Variants in HK2 observed in about 807,000 individuals in gnomAD.
The protein encoded by HK2 is hexokinase-2.
In HK2, 42 loss-of-function variants were observed where a neutral mutation model predicts 92.9. The ratio of observed to expected loss-of-function variants is 0.45; its 90% CI spans 0.35 to 0.58. The LOEUF (loss-of-function observed/expected upper bound fraction) is 0.58. HK2 is among the 20% of genes least tolerant of loss of function. The pLI, the probability that HK2 is intolerant of heterozygous loss-of-function variation, is 0.00. For missense variants in HK2, 978 were observed against 1,245.1 expected (o/e 0.79, Z 3.23); for synonymous variants, 422 against 468.0 (o/e 0.90, Z 1.27).
chr2:74,853,518 AAACAACAACAACAACAAC>A (rs146960066), intron 1 of HK2, among the ~76,000 whole-genome samples: 50 of 143,480 alleles, frequency 3.5e-4, no homozygotes, highest in Middle Eastern at 3.4e-3. Context: ...CTCAGCCTCA[AAACAACAACAACAACAAC>A]AACAACAACA....
At chr2:74,885,738 C>A in intron 13 of HK2, 149 bp downstream of exon 13, 1 of 701,850 alleles carries the variant, frequency 1.4e-6, no homozygotes. Context: ...TTAGTGTGCA[C>A]TGTGTGTCAA....
rs1182688135 is a variant in HK2 at position 74,878,774 on chromosome 2, G to A, written c.1118G>A (p.Arg373Gln). ...CAGGAGGACTGCGTGGCCACTCACCGGATCTGCCAGATCGTGTCCACACGC... is the reference window on the plus strand; with the variant it reads ...CAGGAGGACTGCGTGGCCACTCACCAGATCTGCCAGATCGTGTCCACACGC... ...PTQEDCVATH[R>Q]ICQIVSTRSA... The change falls in exon 9 of 18, where the codon CGG becomes CAG. Residue 373 changes from arginine (R) to glutamine (Q), a missense_variant. Transcript: ENST00000290573. 1.6e-5 allele frequency: 25 copies of A among 1,582,166 alleles called. No individual in the cohort carries two copies. Among genetic ancestry groups the A allele is most frequent in the South Asian group, 3.5e-5 (3 of 86,518 alleles).
At chr2:74,873,992 G>T (rs201257606) in intron 6 of HK2, 49 bp downstream of exon 6, 4 of 1,412,700 alleles carry the variant, frequency 2.8e-6, no homozygotes, top group Middle Eastern at 1.8e-4. Context: ...AGGGATGGGG[G>T]TGTGGGCTGG....
intron 2 of HK2, among the ~76,000 whole-genome samples, chr2:74,863,127 T>G (rs559493444): frequency 4.6e-5 from 7 of 152,210 alleles, no homozygotes; most frequent in Non-Finnish European, 7.3e-5. Context: ...GGCACGTATT[T>G]TGAGCTTAAG....
At chr2:74,856,464 C>T (rs926769050) in intron 2 of HK2, among the ~76,000 whole-genome samples, 1 of 152,130 alleles carries the variant, frequency 6.6e-6, no homozygotes, top group Non-Finnish European at 1.5e-5. Context: ...TTACCTACCA[C>T]TCCCTCTGAC....
chr2:74,878,413 CTGTGTG>C (rs56015017), intron 8 of HK2, among the ~76,000 whole-genome samples: 23,517 of 149,794 alleles, frequency 0.16, 1,901 homozygotes, highest in Middle Eastern at 0.17. Flanking sequence ...CCGTGTGTCT[CTGTGTG>C]TGTGTGTGTG....
intron 3 of HK2, among the ~76,000 whole-genome samples, chr2:74,871,321 G>A (rs1391681019): frequency 3.9e-5 from 6 of 152,168 alleles, no homozygotes; most frequent in Non-Finnish European, 7.3e-5. Context: ...AAGGATAGTT[G>A]ACCTCTTATC....
At position 74,834,850 on chromosome 2, in the gene HK2, G is replaced by A. The variant is rs1440807859; in HGVS notation, c.63+207G>A. ...GAGTGCGCGCGGGCGGGGAGCCGAG[G>A]TCGCGCTCCGCCGGGCGCCCTCCCT... On this transcript the variant is annotated intron_variant, in intron 1 of 17. Coordinates refer to ENST00000290573, the MANE Select transcript of HK2 (RefSeq NM_000189.5). The surrounding 1 kb of genome is among the most constrained non-coding windows in gnomAD (Gnocchi z 4.2). 6.6e-6 allele frequency among the ~76,000 whole-genome samples: 1 copy of A among 150,916 alleles called. No individual in the cohort carries two copies. Among genetic ancestry groups the A allele is most frequent in the Non-Finnish European group, 1.5e-5 (1 of 67,296 alleles).
intron 1 of HK2, among the ~76,000 whole-genome samples, chr2:74,842,391 G>A (rs2103840736): frequency 6.6e-6 from 1 of 152,322 alleles, no homozygotes; most frequent in Non-Finnish European, 1.5e-5. Context: ...TAGGCTTTGT[G>A]TTCGATGGTA....
At chr2:74,878,973 C>T (rs1436070735) in intron 9 of HK2, 52 bp downstream of exon 9, 1 of 1,404,880 alleles carries the variant, frequency 7.1e-7, no homozygotes, top group African/African-American at 1.4e-5. Flanking sequence ...GTACCTGGGG[C>T]TGAGTGACTC....
intron 1 of HK2, among the ~76,000 whole-genome samples, chr2:74,850,808 T>C (rs534696239): frequency 6.6e-6 from 1 of 152,312 alleles, no homozygotes; most frequent in Admixed American, 6.5e-5. Flanking sequence ...CTGGGTGGGC[T>C]CCACTGGTGT....
At chr2:74,862,934 G>A (rs1361230613) in intron 2 of HK2, among the ~76,000 whole-genome samples, 2 of 152,200 alleles carry the variant, frequency 1.3e-5, no homozygotes, top group African/African-American at 4.8e-5. Context: ...CTGAGTGTCA[G>A]ATTTCTAATA....
chr2:74,871,168 GTC>G (rs1689089272), intron 3 of HK2, among the ~76,000 whole-genome samples: 2 of 152,194 alleles, frequency 1.3e-5, no homozygotes, highest in African/African-American at 4.8e-5. Flanking sequence ...TTCTGCTATA[GTC>G]GGTCTGTGGG....
chr2:74,873,225 G>A, intron 4 of HK2, 51 bp from the exon 5 acceptor site: 2 of 1,346,058 alleles, frequency 1.5e-6, no homozygotes, highest in Non-Finnish European at 2.1e-6. Context: ...GGTGTGGTGT[G>A]AGTTTCAGTT....
chr2:74,886,386 C>T lies in HK2; in HGVS notation c.2028C>T (p.Leu676=), dbSNP rs372338794. The change falls in exon 14 of 18, where the codon CTC becomes CTT. Residue 676 remains leucine (L), a synonymous_variant. Coordinates refer to ENST00000290573, the MANE Select transcript of HK2 (RefSeq NM_000189.5). ...AAGACCCTCACTGTGAAGTTGGCCT[C>T]ATTGTTGGTAAGGACCCAGACTGTC... ...GFEDPHCEVG[L]IVGTGSNACY... is the part of the protein sequence containing the mutation. The T allele has an allele frequency of 2.5e-6, 4 of 1,614,118 alleles. No individual in the cohort carries two copies. Among genetic ancestry groups the T allele is most frequent in the East Asian group, 2.2e-5 (1 of 44,880 alleles).
chr2:74,883,804 A>G (rs1358818315), intron 12 of HK2, among the ~76,000 whole-genome samples: 1 of 152,212 alleles, frequency 6.6e-6, no homozygotes, highest in Non-Finnish European at 1.5e-5. Context: ...TTATTATAAC[A>G]AAGATATTAG....
Position 74,892,783 on chromosome 2 carries a change from G to A in HK2, c.*1842G>A, listed in dbSNP as rs1353703644. 2 of 152,134 alleles carry A rather than the reference G, an allele frequency of 1.3e-5. No individual in the cohort carries two copies. The highest frequency in any genetic ancestry group is 2.9e-5 in the Non-Finnish European group (2 of 68,030). The allele number at this position is 152,134 out of a possible 1,614,324, so 9.4% of individuals were successfully genotyped here. On this transcript the variant is annotated 3_prime_UTR_variant, in exon 18 of 18. Coordinates refer to ENST00000290573, the MANE Select transcript of HK2 (RefSeq NM_000189.5). ...GTGTAATTAGGTGAAAACAGCCCAGGTCCTCCCGGGAGCACAGAGGGGCTA... is the reference window on the plus strand; with the variant it reads ...GTGTAATTAGGTGAAAACAGCCCAGATCCTCCCGGGAGCACAGAGGGGCTA...
At position 74,854,294 on chromosome 2, in the gene HK2, T is replaced by C. The variant is rs1377022775; in HGVS notation, c.65T>C (p.Val22Ala). 1.9e-6 allele frequency: 3 copies of C among 1,612,254 alleles called. No homozygotes were observed. The South Asian group carries it at 3.3e-5, about 18-fold the overall frequency. ...GCTCTTGTCTTCCTCCTTTTTCAGG[T>C]TGACCAGTATCTCTACCACATGCGC... The part of the protein sequence containing the change: ...TELNHDQVQK[V>A]DQYLYHMRLS... Residue 22 changes from valine to alanine, a missense_variant and splice_region_variant, in exon 2 of 18, where the codon GTT becomes GCT. Physicochemically the swap from Val to Ala is moderately conservative, Grantham distance 64. Coordinates refer to ENST00000290573, the MANE Select transcript of HK2 (RefSeq NM_000189.5).
At chr2:74,836,738 A>G (rs567677315) in intron 1 of HK2, among the ~76,000 whole-genome samples, 60 of 152,364 alleles carry the variant, frequency 3.9e-4, no homozygotes, top group Admixed American at 1.2e-3. Flanking sequence ...AGTGGCAGTT[A>G]CATAGAAAGC....
Sources: allele counts gnomAD v4.1 joint callset (sites outside exome capture counted in the v4.1 genomes callset), GRCh38; gene constraint gnomAD v4.1.1; non-coding constraint Gnocchi (gnomAD v3.1); transcripts MANE v1.5; gene names NCBI Gene and HGNC (gene_info 2026-07-23, HGNC 2026-07-21).